ANKFN1: variants seen among roughly 807,000 people sequenced by gnomAD.
ANKFN1 encodes the protein ankyrin repeat and fibronectin type-III domain-containing protein 1.
Under a neutral mutation model 108.7 loss-of-function variants are expected in ANKFN1, and 74 were observed. That is an observed-to-expected ratio of 0.68 (90% confidence interval 0.56 to 0.83). The LOEUF is 0.83. Among genes scored for constraint, ANKFN1 ranks in the 40% least tolerant of loss-of-function variants. The pLI, the probability that ANKFN1 is intolerant of heterozygous loss-of-function variation, is 0.00. For missense variants in ANKFN1, 1,505 were observed against 1,382.3 expected, an observed-to-expected ratio of 1.09 and a Z score of -1.41; for synonymous variants, 547 against 516.2, an observed-to-expected ratio of 1.06 and a Z score of -0.81.
At chr17:56,200,939 G>T (rs959654233) in intron 1 of ANKFN1, among the ~76,000 whole-genome samples, 1 of 152,134 alleles carries the variant, frequency 6.6e-6, no homozygotes, top group Non-Finnish European at 1.5e-5. Context: ...TTGCATAAAA[G>T]GATTAATTTC....
At chr17:56,159,287 C>T (rs1014528504) in intron 1 of ANKFN1, among the ~76,000 whole-genome samples, 10 of 152,200 alleles carry the variant, frequency 6.6e-5, no homozygotes, top group Non-Finnish European at 1.5e-5. Context: ...ATTGACTGAA[C>T]AGGCTACAGT....
intron 3 of ANKFN1, among the ~76,000 whole-genome samples, chr17:56,246,327 TC>T (rs1917953151): frequency 1.3e-5 from 2 of 152,098 alleles, no homozygotes; most frequent in South Asian, 4.1e-4. Flanking sequence ...TCTGTTCATC[TC>T]CTAAGAAAAT....
intron 1 of ANKFN1, among the ~76,000 whole-genome samples, chr17:56,199,426 T>C (rs1405116935): frequency 6.6e-6 from 1 of 152,200 alleles, no homozygotes; most frequent in Non-Finnish European, 1.5e-5. Context: ...TCTTTTCCAA[T>C]ACGCAAAGGT....
intron 8 of ANKFN1, among the ~76,000 whole-genome samples, chr17:56,427,357 A>T (rs1168574976): frequency 6.6e-6 from 1 of 152,138 alleles, no homozygotes; most frequent in Non-Finnish European, 1.5e-5. Context: ...CATAACATGA[A>T]CCAGGCTCCA....
At chr17:56,193,059 A>G (rs1418510499) in intron 1 of ANKFN1, among the ~76,000 whole-genome samples, 1 of 98,338 alleles carries the variant, frequency 1.0e-5, no homozygotes, top group Non-Finnish European at 1.9e-5. Context: ...ACACCATGGA[A>G]TGCTATGCAG....
At chr17:56,422,671 G>T (rs933075701) in intron 8 of ANKFN1, among the ~76,000 whole-genome samples, 2 of 152,014 alleles carry the variant, frequency 1.3e-5, no homozygotes, top group Admixed American at 1.3e-4. Context: ...GATGATGAAC[G>T]TTTGATAAAC....
intron 4 of ANKFN1, among the ~76,000 whole-genome samples, chr17:56,107,808 T>C (rs554874555): frequency 6.6e-6 from 1 of 152,342 alleles, no homozygotes; most frequent in African/African-American, 2.4e-5. Context: ...CTTCCTGCCC[T>C]CAAACGCATT....
At chr17:56,503,045 G>C (rs546639624) in intron 20 of ANKFN1, among the ~76,000 whole-genome samples, 18 of 152,294 alleles carry the variant, frequency 1.2e-4, no homozygotes, top group East Asian at 1.9e-4. Context: ...CTCAAGGCAG[G>C]GAGTGGAATG....
chr17:56,423,562 T>C lies in ANKFN1; in HGVS notation c.911-16765T>C, dbSNP rs542151477. Reference sequence around the variant, plus strand: ...TATCCCTCAGCCCCTACGTCTTGCCTTCCTCTTCTTTCTCTTCTGCAGTAC... The same window carrying C: ...TATCCCTCAGCCCCTACGTCTTGCCCTCCTCTTCTTTCTCTTCTGCAGTAC... On this transcript the variant is annotated intron_variant, in intron 8 of 20. Transcript: ENST00000682825. Among the ~76,000 whole-genome samples the C allele has an allele frequency of 2.6e-5, 4 of 152,194 alleles. No individual in the cohort carries two copies. The East Asian group carries it at 7.7e-4, about 29-fold the overall frequency.
Position 56,510,913 on chromosome 17 carries a change from C to G in ANKFN1, c.3085C>G (p.Leu1029Val). 1.3e-6 allele frequency: 2 copies of G among 1,536,190 alleles called. No homozygotes were observed. The highest frequency in any genetic ancestry group is 2.0e-5 in the Admixed American group (1 of 51,014). The stretch of plus-strand genomic sequence containing the variant: ...CCACAGCGAGACCCAGTCGCTATCG[C>G]TCTCTGAGGGCATTTATACACAGCA... ...RIHSETQSLS[L>V]SEGIYTQHLS... Residue 1029 changes from leucine to valine, a missense_variant, in exon 21 of 21, where the codon CTC (leucine) becomes GTC (valine). Physicochemically the swap from Leu to Val is conservative, Grantham distance 32. Coordinates refer to ENST00000682825, the MANE Select transcript of ANKFN1 (RefSeq NM_001370326.1).
chr17:56,057,691 CAGG>C (rs1904902903), intron 4 of ANKFN1, among the ~76,000 whole-genome samples: 1 of 152,032 alleles, frequency 6.6e-6, no homozygotes, highest in Non-Finnish European at 1.5e-5. Context: ...GAGGCTGAGG[CAGG>C]AGAATCACTT....
chr17:56,208,307 C>A (rs902468856), intron 1 of ANKFN1, among the ~76,000 whole-genome samples: 1 of 152,216 alleles, frequency 6.6e-6, no homozygotes, highest in Non-Finnish European at 1.5e-5. Context: ...AGGCATCAGC[C>A]ACCATACCCG....
intron 3 of ANKFN1, among the ~76,000 whole-genome samples, chr17:56,318,466 C>T (rs955381086): frequency 1.3e-5 from 2 of 152,088 alleles, no homozygotes; most frequent in Non-Finnish European, 2.9e-5. Flanking sequence ...ATGCACAGGG[C>T]CCCAGTCCAA....
At chr17:56,120,671 T>G (rs1319438155) in intron 4 of ANKFN1, among the ~76,000 whole-genome samples, 1 of 152,100 alleles carries the variant, frequency 6.6e-6, no homozygotes, top group Non-Finnish European at 1.5e-5. Flanking sequence ...GATAGAGAAC[T>G]TCCTAGAATG....
At chr17:56,207,166 G>A (rs1359528032) in intron 1 of ANKFN1, among the ~76,000 whole-genome samples, 1 of 152,168 alleles carries the variant, frequency 6.6e-6, no homozygotes, top group Non-Finnish European at 1.5e-5. Context: ...CTGGAATTCT[G>A]TAGACTAGTG....
chr17:56,449,237 G>A (rs765704646), intron 11 of ANKFN1, 51 bp downstream of exon 11: 11 of 1,386,194 alleles, frequency 7.9e-6, no homozygotes, highest in African/African-American at 3.8e-5. Flanking sequence ...CGGTGGCGCC[G>A]GTAATTTTAG....
chr17:56,448,498 G>C (rs1038186739), intron 10 of ANKFN1, among the ~76,000 whole-genome samples: 2 of 152,190 alleles, frequency 1.3e-5, no homozygotes, highest in African/African-American at 4.8e-5. Flanking sequence ...CAGAGTATGT[G>C]CAGGGGCTGC....
At chr17:56,297,101 A>G (rs923338681) in intron 3 of ANKFN1, among the ~76,000 whole-genome samples, 4 of 152,204 alleles carry the variant, frequency 2.6e-5, no homozygotes, top group Non-Finnish European at 5.9e-5. Flanking sequence ...ATTTTGGTGA[A>G]CTTTTGGGGA....
chr17:56,367,161 G>A (rs931494160), intron 6 of ANKFN1, among the ~76,000 whole-genome samples: 2 of 152,192 alleles, frequency 1.3e-5, no homozygotes, highest in African/African-American at 4.8e-5. Context: ...AGACAAATGT[G>A]TCCGTCTTTT....
Sources: allele counts gnomAD v4.1 joint callset (sites outside exome capture counted in the v4.1 genomes callset), GRCh38; gene constraint gnomAD v4.1.1; transcripts MANE v1.5; gene names NCBI Gene and HGNC (gene_info 2026-07-23, HGNC 2026-07-21).